PTPRD: variants seen among roughly 807,000 people sequenced by gnomAD.
The protein encoded by PTPRD is protein tyrosine phosphatase receptor type D, also known as receptor-type tyrosine-protein phosphatase delta.
In PTPRD, 34 loss-of-function variants were observed where a neutral mutation model predicts 214.5. The ratio of observed to expected loss-of-function variants is 0.16; its 90% CI spans 0.12 to 0.21. The LOEUF is 0.21. Among genes scored for constraint, PTPRD ranks in the 10% least tolerant of loss-of-function variants. PTPRD has a pLI of 1.00. For synonymous variants in PTPRD, 1,128 were observed against 845.7 expected (o/e 1.33, Z -5.79); for missense variants, 2,545 against 2,398.7 (o/e 1.06, Z -1.27).
chr9:8,418,192 T>G (rs1268197709), intron 35 of PTPRD, among the ~76,000 whole-genome samples: 1 of 152,076 alleles, frequency 6.6e-6, no homozygotes, highest in Admixed American at 6.6e-5. Flanking sequence ...ACTGGAATAT[T>G]TCTTGCTTGG....
chr9:10,040,761 G>A (rs35629823), intron 3 of PTPRD, among the ~76,000 whole-genome samples: 29,913 of 151,970 alleles, frequency 0.2, 3,421 homozygotes, highest in East Asian at 0.49. Flanking sequence ...TGTATTAAAT[G>A]CAAAATTAAA....
intron 9 of PTPRD, among the ~76,000 whole-genome samples, chr9:9,278,077 G>T (rs531581096): frequency 2.0e-5 from 3 of 151,272 alleles, no homozygotes; most frequent in Admixed American, 1.3e-4. Flanking sequence ...TGCTATTAAA[G>T]GTGGTTGTAT....
chr9:9,494,072 A>G (rs892448784), intron 8 of PTPRD, among the ~76,000 whole-genome samples: 1 of 152,178 alleles, frequency 6.6e-6, no homozygotes, highest in Non-Finnish European at 1.5e-5. Context: ...CCAATGTGGT[A>G]GAAATAGCAA....
intron 4 of PTPRD, among the ~76,000 whole-genome samples, chr9:10,032,594 A>C (rs1282483352): frequency 1.3e-5 from 2 of 152,174 alleles, no homozygotes; most frequent in African/African-American, 4.8e-5. Context: ...GTACAAGCTT[A>C]CTTGTATGTA....
chr9:8,632,393 C>A (rs2096281494), intron 14 of PTPRD, among the ~76,000 whole-genome samples: 1 of 151,874 alleles, frequency 6.6e-6, no homozygotes, highest in African/African-American at 2.4e-5. Context: ...ATAAGTTCCT[C>A]TATGATTCTG....
At chr9:8,635,579 A>G (rs769226539) in intron 13 of PTPRD, among the ~76,000 whole-genome samples, 3 of 152,152 alleles carry the variant, frequency 2.0e-5, no homozygotes, top group Non-Finnish European at 4.4e-5. Flanking sequence ...TATACATTTG[A>G]ACCCCTGATC....
At chr9:9,202,506 G>A (rs768858444) in intron 9 of PTPRD, among the ~76,000 whole-genome samples, 1 of 152,108 alleles carries the variant, frequency 6.6e-6, no homozygotes, top group Non-Finnish European at 1.5e-5. Flanking sequence ...CAAGTTATTA[G>A]ATCCAGATGT....
chr9:8,845,177 C>CAA (rs552115354), intron 11 of PTPRD, among the ~76,000 whole-genome samples: 42,934 of 149,268 alleles, frequency 0.29, 7,447 homozygotes, highest in East Asian at 0.43. Context: ...GAAAAAAAAA[C>CAA]AAAAACAAAA....
At chr9:8,970,388 T>C (rs181274252) in intron 11 of PTPRD, among the ~76,000 whole-genome samples, 2 of 151,852 alleles carry the variant, frequency 1.3e-5, no homozygotes, top group African/African-American at 4.8e-5. Flanking sequence ...AGAAAGAAAC[T>C]TGGTCTTGAC....
rs142781996 is a variant in PTPRD at position 8,821,221 on chromosome 9, G to C, written c.-103-87275C>G. 2.3e-4 allele frequency among the ~76,000 whole-genome samples: 35 copies of C among 152,248 alleles called. No individual in the cohort carries two copies. In the East Asian group the frequency reaches 6.6e-3, roughly 29 times the overall value. On this transcript the variant is annotated intron_variant, in intron 11 of 45. Coordinates refer to ENST00000381196, the MANE Select transcript of PTPRD (RefSeq NM_002839.4). ...ATAAGAAAATTCTTAGATGATCACA[G>C]TTGGTAGCTGGCCACATACATGCTC...
At chr9:8,481,194 T>C (rs2096877861) in intron 30 of PTPRD, among the ~76,000 whole-genome samples, 1 of 151,438 alleles carries the variant, frequency 6.6e-6, no homozygotes, top group Non-Finnish European at 1.5e-5. Flanking sequence ...GAAGACTTTA[T>C]TTTACACTGA....
At chr9:8,960,290 T>C (rs1299455402) in intron 11 of PTPRD, among the ~76,000 whole-genome samples, 1 of 152,110 alleles carries the variant, frequency 6.6e-6, no homozygotes, top group Non-Finnish European at 1.5e-5. Flanking sequence ...TCATTAGTTA[T>C]CATGATTGCT....
At chr9:10,274,952 G>A (rs1361874890) in intron 3 of PTPRD, among the ~76,000 whole-genome samples, 2 of 152,096 alleles carry the variant, frequency 1.3e-5, no homozygotes, top group East Asian at 3.9e-4. Context: ...GCATTGAACA[G>A]TTCTACCTAG....
chr9:10,540,878 G>A (rs1371014346), intron 2 of PTPRD, among the ~76,000 whole-genome samples: 1 of 152,102 alleles, frequency 6.6e-6, no homozygotes, highest in African/African-American at 2.4e-5. Context: ...ATGACTGGCA[G>A]GCTCCCCTTA....
intron 10 of PTPRD, among the ~76,000 whole-genome samples, chr9:9,166,314 C>T (rs2099903771): frequency 6.6e-6 from 1 of 151,982 alleles, no homozygotes; most frequent in African/African-American, 2.4e-5. Flanking sequence ...GGTGGATGTC[C>T]AAAACTGACT....
intron 8 of PTPRD, among the ~76,000 whole-genome samples, chr9:9,522,103 G>C (rs1159581482): frequency 6.9e-6 from 1 of 144,906 alleles, no homozygotes; most frequent in Non-Finnish European, 1.5e-5. Flanking sequence ...GTTGTGGTGA[G>C]CTGAGATTGT....
At chr9:9,942,201 G>A (rs986296265) in intron 4 of PTPRD, among the ~76,000 whole-genome samples, 6 of 151,904 alleles carry the variant, frequency 3.9e-5, no homozygotes, top group African/African-American at 1.2e-4. Flanking sequence ...AAATACAAAC[G>A]AATACAACCA....
chr9:9,797,346 C>A (rs2099009484), intron 5 of PTPRD, among the ~76,000 whole-genome samples: 4 of 136,798 alleles, frequency 2.9e-5, no homozygotes, highest in East Asian at 2.4e-4. Context: ...TAAGAAAATA[C>A]TATAAATTAC....
At chr9:9,696,366 G>T (rs532415843) in intron 7 of PTPRD, among the ~76,000 whole-genome samples, 1 of 152,160 alleles carries the variant, frequency 6.6e-6, no homozygotes, top group African/African-American at 2.4e-5. Flanking sequence ...TTGACCTTCT[G>T]CCTGGATAAC....
Sources: gnomAD v4.1 joint callset for allele counts (sites outside exome capture counted in the v4.1 genomes callset) on GRCh38, gnomAD v4.1.1 for gene constraint, MANE v1.5 for transcripts, NCBI Gene and HGNC (gene_info 2026-07-23, HGNC 2026-07-21) for gene names.